The following IL6R variants were observed in gnomAD, a reference collection of about 807,000 sequenced individuals.
The protein encoded by IL6R is interleukin-6 receptor subunit alpha.
IL6R carries 38 observed loss-of-function variants against 48.3 expected under a neutral mutation model. The observed-to-expected ratio is 0.79, with a 90% CI of 0.61 to 1.03. The LOEUF (loss-of-function observed/expected upper bound fraction) is 1.03. IL6R is among the 50% of genes least tolerant of loss of function. The probability of loss-of-function intolerance (pLI) is 0.00; values close to 1 mark genes in which losing one functional copy is unlikely to be tolerated. For synonymous variants in IL6R, 264 were observed against 256.2 expected (o/e 1.03, Z -0.29); for missense variants, 534 against 618.3 (o/e 0.86, Z 1.45).
At chr1:154,456,284 C>T (rs1485815021) in intron 9 of IL6R, among the ~76,000 whole-genome samples, 1 of 150,306 alleles carries the variant, frequency 6.7e-6, no homozygotes, top group Non-Finnish European at 1.5e-5. Flanking sequence ...CAGCTCACTG[C>T]AACTTCCGCC....
chr1:154,431,879 G>A (rs1242912956), intron 3 of IL6R, among the ~76,000 whole-genome samples: 3 of 152,198 alleles, frequency 2.0e-5, no homozygotes, highest in Admixed American at 6.5e-5. Flanking sequence ...GTGAAATCTC[G>A]TCACACTTCT....
intron 9 of IL6R, among the ~76,000 whole-genome samples, chr1:154,455,046 TG>T (rs2149269470): frequency 6.6e-6 from 1 of 152,270 alleles, no homozygotes; most frequent in Admixed American, 6.5e-5. Flanking sequence ...CTGGAATAGC[TG>T]GGACTGCAGG....
At chr1:154,411,561 A>C (rs1688020856) in intron 1 of IL6R, among the ~76,000 whole-genome samples, 1 of 152,176 alleles carries the variant, frequency 6.6e-6, no homozygotes, top group African/African-American at 2.4e-5. Flanking sequence ...ACATCACTAT[A>C]AATGAATTTC....
At chr1:154,418,832 C>T (rs1250222005) in intron 1 of IL6R, among the ~76,000 whole-genome samples, 1 of 152,128 alleles carries the variant, frequency 6.6e-6, no homozygotes, top group Non-Finnish European at 1.5e-5. Flanking sequence ...ACTCCTGGCT[C>T]CTGAGAGTCC....
intron 8 of IL6R, among the ~76,000 whole-genome samples, chr1:154,453,461 G>T (rs1690703474): frequency 6.6e-6 from 1 of 152,232 alleles, no homozygotes; most frequent in South Asian, 2.1e-4. Context: ...GAGCCTGAAT[G>T]CTGGGTCCAT....
rs1278881428 is a variant in IL6R at position 154,420,389 on chromosome 1, C to T, written c.86-8807C>T. On this transcript the variant is annotated intron_variant, in intron 1 of 9. Transcript: ENST00000368485. ...CAGTGGGCTCTGCCAGGGGCGGTGA[C>T]GTGCCCATGGCTGCCTGTGAGTCAT... Among the ~76,000 whole-genome samples, 8 of 151,874 alleles carry T rather than the reference C, an allele frequency of 5.3e-5. No homozygotes were observed. The South Asian group carries it at 6.2e-4, about 12-fold the overall frequency.
chr1:154,437,818 A>C (rs1212564261), intron 6 of IL6R, among the ~76,000 whole-genome samples: 1 of 150,886 alleles, frequency 6.6e-6, no homozygotes, highest in Non-Finnish European at 1.5e-5. Flanking sequence ...GGTTCACGCT[A>C]TTCTCCTGCC....
At chr1:154,410,419 T>C (rs1480906036) in intron 1 of IL6R, among the ~76,000 whole-genome samples, 3 of 152,024 alleles carry the variant, frequency 2.0e-5, no homozygotes, top group Admixed American at 2.0e-4. Flanking sequence ...ATCTGGCTAA[T>C]TTTTTGTATT....
At chr1:154,427,269 G>A (rs1689028375) in intron 1 of IL6R, among the ~76,000 whole-genome samples, 1 of 152,176 alleles carries the variant, frequency 6.6e-6, no homozygotes, top group Admixed American at 6.5e-5. Context: ...TGGCCTTGCA[G>A]CAGTGAATGT....
chr1:154,425,312 G>A (rs1688902103), intron 1 of IL6R, among the ~76,000 whole-genome samples: 1 of 152,186 alleles, frequency 6.6e-6, no homozygotes, highest in South Asian at 2.1e-4. Flanking sequence ...TCTTAGGGAA[G>A]TTCTTGGGCA....
intron 9 of IL6R, among the ~76,000 whole-genome samples, chr1:154,461,040 G>A (rs1366892456): frequency 6.6e-6 from 1 of 152,220 alleles, no homozygotes. Flanking sequence ...ACAAGGTGAA[G>A]CAAGTCATGT....
intron 8 of IL6R, 61 bp downstream of exon 8, chr1:154,450,041 A>G: frequency 9.3e-7 from 1 of 1,071,124 alleles, no homozygotes; most frequent in Middle Eastern, 2.0e-4. Context: ...GTCTCTGCAG[A>G]AAGTCCTTTC....
At chr1:154,437,263 A>T (rs941912661) in intron 6 of IL6R, among the ~76,000 whole-genome samples, 3 of 151,796 alleles carry the variant, frequency 2.0e-5, no homozygotes, top group Non-Finnish European at 2.9e-5. Context: ...CGCCCAGCTA[A>T]TTTTTTCTAT....
At position 154,429,248 on chromosome 1, in the gene IL6R, C is replaced by T; in HGVS notation, c.138C>T (p.Thr46=). The T allele has an allele frequency of 2.5e-6, 4 of 1,614,130 alleles. No individual in the cohort carries two copies. Among genetic ancestry groups the T allele is most frequent in the Non-Finnish European group, 3.4e-6 (4 of 1,180,004 alleles). Residue 46 remains threonine (T), a synonymous_variant, in exon 2 of 10, where the codon ACC becomes ACT. Transcript: ENST00000368485. ...TGCCAGGAGACAGCGTGACTCTGAC[C>T]TGCCCGGGGGTAGAGCCGGAAGACA... is the stretch of plus-strand genomic sequence containing the variant. ...TSLPGDSVTL[T]CPGVEPEDNA... is the part of the protein sequence containing the mutation.
chr1:154,454,380 C>T, intron 8 of IL6R, 108 bp from the exon 9 acceptor site: 1 of 713,690 alleles, frequency 1.4e-6, no homozygotes. Flanking sequence ...GGGGAAGGTT[C>T]CTTTGAGGCT....
intron 9 of IL6R, among the ~76,000 whole-genome samples, chr1:154,460,802 G>A (rs529110049): frequency 1.3e-5 from 2 of 152,258 alleles, no homozygotes; most frequent in Non-Finnish European, 2.9e-5. Flanking sequence ...ACCTCTGTAG[G>A]GTCCAGCCGT....
chr1:154,453,030 C>T (rs1690673119), intron 8 of IL6R, among the ~76,000 whole-genome samples: 1 of 151,828 alleles, frequency 6.6e-6, no homozygotes, highest in Non-Finnish European at 1.5e-5. Flanking sequence ...CATGGCAAAA[C>T]CTCATCTCTA....
Position 154,445,918 on chromosome 1 carries a change from ATCT to A in IL6R, c.950-2199_950-2197del, listed in dbSNP as rs772672540. ...CATATTTTCTATTTAGGGCTGCCCCATCTTCTTCTTGTTTTCTTCTTTTTTTTT... is the reference window on the plus strand; with the variant it reads ...CATATTTTCTATTTAGGGCTGCCCCATCTTCTTGTTTTCTTCTTTTTTTTT... On this transcript the variant is annotated intron_variant, in intron 6 of 9. Transcript: ENST00000368485. Among the ~76,000 whole-genome samples, 130 of 151,762 alleles carry A rather than the reference ATCT, an allele frequency of 8.6e-4. 1 individual carries two copies. The highest frequency in any genetic ancestry group is 1.5e-3 in the Non-Finnish European group (105 of 67,952).
intron 1 of IL6R, among the ~76,000 whole-genome samples, chr1:154,413,425 C>T (rs761092003): frequency 1.2e-4 from 19 of 152,154 alleles, no homozygotes; most frequent in Non-Finnish European, 1.9e-4. Context: ...ATATATTCCC[C>T]GAAGGGGAAT....
Sources: gnomAD v4.1 joint callset for allele counts (sites outside exome capture counted in the v4.1 genomes callset) on GRCh38, gnomAD v4.1.1 for gene constraint, MANE v1.5 for transcripts, NCBI Gene and HGNC (gene_info 2026-07-23, HGNC 2026-07-21) for gene names.